Variants in DNAJA1 observed in about 807,000 individuals in gnomAD.
DNAJA1 encodes the protein DnaJ heat shock protein family (Hsp40) member A1.
In DNAJA1, 26 loss-of-function variants were observed where a neutral mutation model predicts 47.6. The ratio of observed to expected loss-of-function variants is 0.55; its 90% CI spans 0.40 to 0.76. DNAJA1 has a LOEUF of 0.76. Among genes scored for constraint, DNAJA1 ranks in the 30% least tolerant of loss-of-function variants. The probability of loss-of-function intolerance (pLI) is 0.00; values close to 1 mark genes in which losing one functional copy is unlikely to be tolerated. For synonymous variants in DNAJA1, 165 were observed against 158.4 expected (o/e 1.04, Z -0.31); for missense variants, 315 against 485.0 (o/e 0.65, Z 3.29).
At chr9:33,028,113 C>CAA in intron 3 of DNAJA1, among the ~76,000 whole-genome samples, 1 of 151,320 alleles carries the variant, frequency 6.6e-6, no homozygotes, top group South Asian at 2.1e-4. Context: ...GGTGTTCCCT[C>CAA]ACTCCCCAAA....
chr9:33,032,782 A>G (rs1409828764), intron 5 of DNAJA1, among the ~76,000 whole-genome samples: 1 of 152,204 alleles, frequency 6.6e-6, no homozygotes, highest in East Asian at 1.9e-4. Flanking sequence ...TTTAAGAGGT[A>G]CGTACTGAAG....
At chr9:33,037,784 T>C (rs1486923263) in intron 8 of DNAJA1, among the ~76,000 whole-genome samples, 1 of 152,178 alleles carries the variant, frequency 6.6e-6, no homozygotes, top group Admixed American at 6.5e-5. Context: ...TAATTGGATA[T>C]TTAAAGATAG....
At chr9:33,037,598 C>A (rs899020243) in intron 8 of DNAJA1, among the ~76,000 whole-genome samples, 3 of 152,140 alleles carry the variant, frequency 2.0e-5, no homozygotes, top group African/African-American at 7.2e-5. Flanking sequence ...GGGAGGATTG[C>A]TTGAGCCTAG....
intron 8 of DNAJA1, among the ~76,000 whole-genome samples, chr9:33,038,280 T>A (rs1293489625): frequency 2.0e-5 from 3 of 152,130 alleles, no homozygotes; most frequent in Non-Finnish European, 2.9e-5. Context: ...TAATCCCAAT[T>A]GTATGAGCCA....
In DNAJA1 at chr9:33,028,494, G is replaced by A. The variant is rs1014877345; in HGVS notation, c.311-1391G>A. Among the ~76,000 whole-genome samples the A allele has an allele frequency of 2.0e-5, 3 of 152,246 alleles. No homozygotes were observed. The East Asian group carries it at 5.8e-4, about 29-fold the overall frequency. ...GCTTCTTAAGGTTCAGAAAGATTTG[G>A]GAAATTGTTTATTCAGTTTTTCTTT... On this transcript the variant is annotated intron_variant, in intron 3 of 8. Coordinates refer to ENST00000330899, the MANE Select transcript of DNAJA1 (RefSeq NM_001539.4).
chr9:33,038,660 T>G (rs925938396), intron 8 of DNAJA1, 25 bp from the exon 9 acceptor site: 3 of 1,605,442 alleles, frequency 1.9e-6, no homozygotes, highest in Non-Finnish European at 2.6e-6. Flanking sequence ...GAAATCAGAT[T>G]GAACAGTGAA....
chr9:33,036,293 A>C, intron 6 of DNAJA1: 1 of 166,790 alleles, frequency 6.0e-6, no homozygotes. Flanking sequence ...CTGAGAAACC[A>C]GATTTAAAAC....
At chr9:33,027,874 A>C (rs1838898070) in intron 3 of DNAJA1, among the ~76,000 whole-genome samples, 1 of 151,738 alleles carries the variant, frequency 6.6e-6, no homozygotes, top group South Asian at 2.1e-4. Context: ...AAATCCAAAA[A>C]TTAGCCAGGC....
chr9:33,035,056 T>TTA (rs1554678843), intron 6 of DNAJA1, among the ~76,000 whole-genome samples: 63 of 148,262 alleles, frequency 4.2e-4, no homozygotes, highest in Non-Finnish European at 6.9e-4. Context: ...TTTTTTTTTT[T>TTA]AATGGAGTGG....
intron 3 of DNAJA1, among the ~76,000 whole-genome samples, chr9:33,027,263 C>G (rs773351702): frequency 1.5e-4 from 23 of 150,224 alleles, no homozygotes; most frequent in South Asian, 1.3e-3. Flanking sequence ...TCAAGCGATT[C>G]TCCTGCCTCA....
At chr9:33,029,832 A>G in intron 3 of DNAJA1, 53 bp from the exon 4 acceptor site, 1 of 1,460,932 alleles carries the variant, frequency 6.8e-7, no homozygotes, top group Non-Finnish European at 9.4e-7. Context: ...CCTTTAGCAC[A>G]AATAAGATCC....
At position 33,037,055 on chromosome 9, in the gene DNAJA1, T is replaced by C; in HGVS notation, c.915T>C (p.Asn305=). 1 of 1,614,012 alleles carries C rather than the reference T, an allele frequency of 6.2e-7. No individual in the cohort carries two copies. The highest frequency in any genetic ancestry group is 8.5e-7 in the Non-Finnish European group (1 of 1,179,994). ...ATGGAGATATCAAGTGTGTACTAAA[T>C]GAAGGCATGCCAATTTATCGTAGAC... ...VKHGDIKCVL[N]EGMPIYRRPY... is the part of the protein sequence containing the mutation. Residue 305 remains asparagine, a synonymous_variant, in exon 8 of 9, where the codon AAT becomes AAC. Coordinates refer to ENST00000330899, the MANE Select transcript of DNAJA1 (RefSeq NM_001539.4).
At chr9:33,037,642 A>G (rs1839056998) in intron 8 of DNAJA1, among the ~76,000 whole-genome samples, 1 of 152,174 alleles carries the variant, frequency 6.6e-6, no homozygotes, top group South Asian at 2.1e-4. Context: ...AGATCGTGTC[A>G]CTGTACTTCA....
intron 5 of DNAJA1, 48 bp from the exon 6 acceptor site, chr9:33,034,168 C>A: frequency 1.5e-6 from 2 of 1,295,542 alleles, no homozygotes; most frequent in Non-Finnish European, 2.1e-6. Flanking sequence ...TGATTCTGAC[C>A]TTAGTTGGAT....
At chr9:33,028,109 C>G (rs572325927) in intron 3 of DNAJA1, among the ~76,000 whole-genome samples, 1 of 150,674 alleles carries the variant, frequency 6.6e-6, no homozygotes, top group Non-Finnish European at 1.5e-5. Flanking sequence ...ATTTGGTGTT[C>G]CCTCACTCCC....
intron 4 of DNAJA1, 50 bp from the exon 5 acceptor site, chr9:33,030,390 C>T (rs553707415): frequency 1.3e-6 from 2 of 1,519,336 alleles, no homozygotes; most frequent in African/African-American, 1.4e-5. Context: ...ACATTTACTA[C>T]TGTATACACT....
chr9:33,026,033 T>TC (rs984210896), intron 1 of DNAJA1, among the ~76,000 whole-genome samples: 18 of 151,992 alleles, frequency 1.2e-4, no homozygotes, highest in South Asian at 2.1e-4. Flanking sequence ...TATAAACCAC[T>TC]CCCCCCCACC....
rs376930856 is a variant in DNAJA1, at chr9:33,030,528, A to C, written c.504A>C (p.Gly168=). ...MQIRIHQIGP[G]MVQQIQSVCM... ...TAAGAATTCATCAGATAGGACCTGG[A>C]ATGGTTCAGCAAATTCAGTCTGTGT... The change falls in exon 5 of 9, where the codon GGA becomes GGC. Residue 168 remains glycine, a synonymous_variant. Coordinates refer to ENST00000330899, the MANE Select transcript of DNAJA1 (RefSeq NM_001539.4). 10 of 1,614,056 alleles carry C rather than the reference A, an allele frequency of 6.2e-6. No homozygotes were observed. The African/African-American group carries it at 1.3e-4, about 22-fold the overall frequency.
chr9:33,026,878 A>C lies in DNAJA1; in HGVS notation c.198A>C (p.Lys66Asn). ...CAAAGAAAAGGGAATTATATGACAA[A>C]GGAGGAGAACAGGCAATTAAAGAGG... ...SDAKKRELYD[K>N]GGEQAIKEGG... Residue 66 changes from lysine to asparagine, a missense_variant, in exon 3 of 9, where the codon AAA (lysine) becomes AAC (asparagine). Lys to Asn is a moderately conservative substitution (Grantham distance 94). This residue lies in a region of DNAJA1 where 100 missense variants were observed against 163.0 expected (regional missense o/e 0.61). Coordinates refer to ENST00000330899, the MANE Select transcript of DNAJA1 (RefSeq NM_001539.4). The C allele has an allele frequency of 4.3e-6, 7 of 1,614,200 alleles. No homozygotes were observed. The highest frequency in any genetic ancestry group is 5.9e-6 in the Non-Finnish European group (7 of 1,180,032).
Sources: gnomAD v4.1 joint callset for allele counts (sites outside exome capture counted in the v4.1 genomes callset) on GRCh38, gnomAD v4.1.1 for gene constraint, gnomAD v4.1.1 regional missense constraint, MANE v1.5 for transcripts, NCBI Gene and HGNC (gene_info 2026-07-23, HGNC 2026-07-21) for gene names.